PEBP4: variants seen among roughly 807,000 people sequenced by gnomAD.
PEBP4 encodes the protein phosphatidylethanolamine binding protein 4.
A neutral mutation model predicts 23.9 loss-of-function variants in PEBP4; 22 were observed. That is an observed-to-expected ratio of 0.92 (90% confidence interval 0.66 to 1.31). The LOEUF (loss-of-function observed/expected upper bound fraction) is 1.31, where lower values mean the gene tolerates loss of function less well. Ranked by LOEUF, PEBP4 falls within the 40% of genes most tolerant of loss-of-function variation. The pLI is 0.00. For synonymous variants in PEBP4, 112 were observed against 99.3 expected, an observed-to-expected ratio of 1.13 and a Z score of -0.76; for missense variants, 324 against 281.7, an observed-to-expected ratio of 1.15 and a Z score of -1.07.
At chr8:22,781,610 C>T (rs1368882045) in intron 4 of PEBP4, among the ~76,000 whole-genome samples, 2 of 152,124 alleles carry the variant, frequency 1.3e-5, no homozygotes, top group Non-Finnish European at 2.9e-5. Flanking sequence ...GAGTTCCCTC[C>T]CCCTGTACCC....
intron 4 of PEBP4, among the ~76,000 whole-genome samples, chr8:22,732,385 C>A (rs1198671369): frequency 1.3e-5 from 2 of 152,072 alleles, no homozygotes; most frequent in Middle Eastern, 3.4e-3. Context: ...AGGGGAACAA[C>A]ACACACAACT....
At chr8:22,784,131 CA>C (rs1805982065) in intron 4 of PEBP4, among the ~76,000 whole-genome samples, 2 of 152,322 alleles carry the variant, frequency 1.3e-5, no homozygotes, top group South Asian at 4.1e-4. Context: ...ATTATGGAGA[CA>C]GCCCCTGGCC....
At chr8:22,722,687 A>G (rs549122814) in intron 6 of PEBP4, among the ~76,000 whole-genome samples, 1 of 152,282 alleles carries the variant, frequency 6.6e-6, no homozygotes, top group Admixed American at 6.5e-5. Flanking sequence ...TCTCCTCTGA[A>G]GTTCCCAGCA....
chr8:22,771,294 G>T (rs1187338795), intron 4 of PEBP4, among the ~76,000 whole-genome samples: 1 of 152,202 alleles, frequency 6.6e-6, no homozygotes, highest in African/African-American at 2.4e-5. Context: ...TTCGAGACCA[G>T]CCTAGCCAAC....
intron 6 of PEBP4, among the ~76,000 whole-genome samples, chr8:22,717,655 C>A (rs1243347059): frequency 6.6e-6 from 1 of 152,184 alleles, no homozygotes; most frequent in East Asian, 1.9e-4. Context: ...AGGACAGGGG[C>A]CACTGGTTCT....
At chr8:22,890,213 T>A (rs1808465733) in intron 3 of PEBP4, among the ~76,000 whole-genome samples, 2 of 152,232 alleles carry the variant, frequency 1.3e-5, no homozygotes, top group South Asian at 4.1e-4. Context: ...CAAGAGAACA[T>A]CCAAGAGAGA....
chr8:22,777,468 C>T (rs1224944681), intron 4 of PEBP4, among the ~76,000 whole-genome samples: 1 of 152,084 alleles, frequency 6.6e-6, no homozygotes, highest in Non-Finnish European at 1.5e-5. Context: ...GGAACGCAGC[C>T]CTGAGACCTG....
intron 4 of PEBP4, among the ~76,000 whole-genome samples, chr8:22,739,475 A>G (rs879292405): frequency 1.6e-4 from 24 of 152,022 alleles, no homozygotes; most frequent in Admixed American, 1.6e-3. Context: ...GAGGAGGAGG[A>G]AGCGAGGGGA....
chr8:22,758,871 A>G (rs1805445379), intron 4 of PEBP4, among the ~76,000 whole-genome samples: 3 of 152,272 alleles, frequency 2.0e-5, no homozygotes, highest in African/African-American at 7.2e-5. Context: ...CTTGGAAGGG[A>G]GAGGCCCCCA....
At chr8:22,732,094 G>C (rs1288536488) in intron 4 of PEBP4, among the ~76,000 whole-genome samples, 2 of 152,088 alleles carry the variant, frequency 1.3e-5, no homozygotes, top group African/African-American at 4.8e-5. Flanking sequence ...TTTCAGGAGA[G>C]CAGACCAGGA....
At chr8:22,918,831 T>C (rs1047512187) in intron 3 of PEBP4, among the ~76,000 whole-genome samples, 2 of 152,222 alleles carry the variant, frequency 1.3e-5, no homozygotes, top group African/African-American at 4.8e-5. Context: ...TTCCTTTCTC[T>C]GCTCCTCTTG....
chr8:22,785,820 C>T (rs555548422), intron 4 of PEBP4, among the ~76,000 whole-genome samples: 5 of 152,292 alleles, frequency 3.3e-5, no homozygotes, highest in Admixed American at 6.5e-5. Context: ...GACAGGCAAA[C>T]GTGGAGCTGC....
chr8:22,907,534 AAAGAGAG>A (rs1201367649), intron 3 of PEBP4, among the ~76,000 whole-genome samples: 1 of 152,096 alleles, frequency 6.6e-6, no homozygotes, highest in Admixed American at 6.6e-5. Flanking sequence ...AAAGAGAGAA[AAAGAGAG>A]AGAGAGAGAA....
intron 3 of PEBP4, among the ~76,000 whole-genome samples, chr8:22,828,320 C>T (rs756136098): frequency 6.6e-6 from 1 of 152,176 alleles, no homozygotes; most frequent in Non-Finnish European, 1.5e-5. Context: ...CTTTGCCTTC[C>T]CTGCCTTCCC....
chr8:22,792,380 G>T (rs1363486921), intron 4 of PEBP4, among the ~76,000 whole-genome samples: 1 of 152,146 alleles, frequency 6.6e-6, no homozygotes, highest in Non-Finnish European at 1.5e-5. Flanking sequence ...TGCTTCTAAG[G>T]TGGAGATGAA....
intron 3 of PEBP4, among the ~76,000 whole-genome samples, chr8:22,910,774 C>T (rs1017724350): frequency 6.6e-6 from 1 of 152,090 alleles, no homozygotes; most frequent in African/African-American, 2.4e-5. Context: ...ACGGAGACAG[C>T]GAAAAGACCA....
chr8:22,729,721 G>C (rs1345918028), intron 4 of PEBP4, among the ~76,000 whole-genome samples: 1 of 152,230 alleles, frequency 6.6e-6, no homozygotes, highest in Admixed American at 6.5e-5. Context: ...GGACTGTTCA[G>C]GTCCCCCCTG....
At chr8:22,845,079 G>A (rs944474671) in intron 3 of PEBP4, among the ~76,000 whole-genome samples, 1 of 152,194 alleles carries the variant, frequency 6.6e-6, no homozygotes, top group Non-Finnish European at 1.5e-5. Flanking sequence ...TGCCCAGACC[G>A]CCTGAGGCCT....
At chr8:22,790,142 C>A (rs1297969546) in intron 4 of PEBP4, among the ~76,000 whole-genome samples, 2 of 152,218 alleles carry the variant, frequency 1.3e-5, no homozygotes, top group African/African-American at 2.4e-5. Context: ...ATTTCATATG[C>A]CTGTTAACTT....
Sources: gnomAD v4.1 joint callset for allele counts (sites outside exome capture counted in the v4.1 genomes callset) on GRCh38, gnomAD v4.1.1 for gene constraint, MANE v1.5 for transcripts, NCBI Gene and HGNC (gene_info 2026-07-23, HGNC 2026-07-21) for gene names.